PTPRM: variants seen among roughly 807,000 people sequenced by gnomAD.
PTPRM encodes the protein receptor-type tyrosine-protein phosphatase mu.
In PTPRM, 47 loss-of-function variants were observed where a neutral mutation model predicts 186.7. The observed-to-expected ratio is 0.25, with a 90% confidence interval of 0.20 to 0.32. The LOEUF (loss-of-function observed/expected upper bound fraction) is 0.32. PTPRM is among the 10% of genes least tolerant of loss of function. The pLI is 1.00. For missense variants in PTPRM, 1,494 were observed against 1,865.0 expected (o/e 0.80, Z 3.66); for synonymous variants, 668 against 674.9 (o/e 0.99, Z 0.16).
intron 5 of PTPRM, among the ~76,000 whole-genome samples, chr18:7,948,130 TACACACACACAC>T (rs57918724): frequency 5.6e-4 from 77 of 137,898 alleles, no homozygotes; most frequent in Admixed American, 1.6e-3. Context: ...GATTATAAAA[TACACACACACAC>T]ACACACACAC....
chr18:8,324,417 T>G (rs1292935025), intron 22 of PTPRM, among the ~76,000 whole-genome samples: 1 of 152,194 alleles, frequency 6.6e-6, no homozygotes, highest in Non-Finnish European at 1.5e-5. Context: ...TTAGCAATTA[T>G]AATATATTAG....
At chr18:7,643,533 G>GA (rs2038493739) in intron 1 of PTPRM, among the ~76,000 whole-genome samples, 1 of 151,928 alleles carries the variant, frequency 6.6e-6, no homozygotes, top group Non-Finnish European at 1.5e-5. Context: ...TTAGAGACGG[G>GA]ATTTCACCAT....
chr18:8,163,461 C>T (rs1356136080), intron 14 of PTPRM, among the ~76,000 whole-genome samples: 17 of 152,112 alleles, frequency 1.1e-4, no homozygotes, highest in Admixed American at 1.1e-3. Context: ...GGGAAGTGTC[C>T]CCTGCCCTCC....
intron 5 of PTPRM, among the ~76,000 whole-genome samples, chr18:7,943,544 G>A (rs62089471): frequency 0.18 from 27,793 of 152,118 alleles, 3,253 homozygotes; most frequent in Admixed American, 0.27. Context: ...TATTGCTGCT[G>A]TAACAAATTC....
chr18:8,391,966 A>G (rs149338297), intron 31 of PTPRM, among the ~76,000 whole-genome samples: 2 of 152,376 alleles, frequency 1.3e-5, no homozygotes, highest in East Asian at 3.9e-4. Flanking sequence ...AAAGCAGCAT[A>G]TTAAATAATA....
chr18:7,901,606 C>T (rs1486366368), intron 3 of PTPRM, among the ~76,000 whole-genome samples: 1 of 152,106 alleles, frequency 6.6e-6, no homozygotes, highest in African/African-American at 2.4e-5. Context: ...CCTTGTGATC[C>T]ACTCACCTTG....
chr18:8,257,874 C>A (rs1275830138), intron 19 of PTPRM, among the ~76,000 whole-genome samples: 1 of 152,138 alleles, frequency 6.6e-6, no homozygotes, highest in African/African-American at 2.4e-5. Flanking sequence ...CAAAATTGGC[C>A]TAAACACCAG....
chr18:8,386,374 G>C (rs1223112046), intron 30 of PTPRM, among the ~76,000 whole-genome samples: 2 of 152,128 alleles, frequency 1.3e-5, no homozygotes, highest in Admixed American at 1.3e-4. Context: ...GAGAAGGGGA[G>C]ACTGAGGCAG....
chr18:8,335,119 A>G (rs2095431533), intron 22 of PTPRM, among the ~76,000 whole-genome samples: 1 of 152,208 alleles, frequency 6.6e-6, no homozygotes, highest in South Asian at 2.1e-4. Context: ...CACTCCTAAA[A>G]TCTGAACTTG....
intron 7 of PTPRM, among the ~76,000 whole-genome samples, chr18:8,018,847 C>T (rs2085036649): frequency 6.6e-6 from 1 of 152,040 alleles, no homozygotes; most frequent in Non-Finnish European, 1.5e-5. Flanking sequence ...TGTGTTTTGC[C>T]GTATCACAAA....
At chr18:8,186,931 C>T (rs1351843720) in intron 14 of PTPRM, among the ~76,000 whole-genome samples, 1 of 150,776 alleles carries the variant, frequency 6.6e-6, no homozygotes, top group Non-Finnish European at 1.5e-5. Flanking sequence ...AGGAGGGCCT[C>T]CCTTGGGAAG....
intron 19 of PTPRM, among the ~76,000 whole-genome samples, chr18:8,295,415 A>G (rs1042226826): frequency 1.3e-5 from 2 of 152,016 alleles, no homozygotes; most frequent in African/African-American, 4.8e-5. Flanking sequence ...GAGAACTGAG[A>G]GAACTTGAAA....
intron 1 of PTPRM, among the ~76,000 whole-genome samples, chr18:7,640,815 A>C (rs1463038059): frequency 2.0e-5 from 3 of 152,098 alleles, no homozygotes; most frequent in African/African-American, 7.2e-5. Context: ...AGGGTGCTTA[A>C]CTCTTAGTTG....
chr18:7,761,379 T>C (rs1014792273), intron 1 of PTPRM, among the ~76,000 whole-genome samples: 3 of 152,236 alleles, frequency 2.0e-5, no homozygotes. Flanking sequence ...ATTCTTCTCA[T>C]GTTTGAAACA....
At chr18:8,252,532 G>A (rs1378407597) in intron 18 of PTPRM, 33 bp downstream of exon 18, 2 of 1,532,368 alleles carry the variant, frequency 1.3e-6, no homozygotes, top group East Asian at 4.5e-5. Flanking sequence ...TGGAAGAGTT[G>A]TGGAGGGAGT....
At chr18:7,967,406 C>T (rs1299189745) in intron 7 of PTPRM, among the ~76,000 whole-genome samples, 3 of 12,158 alleles carry the variant, frequency 2.5e-4, no homozygotes, top group African/African-American at 9.7e-4. Context: ...CGCCTCTCCT[C>T]CTCCAAAGGA....
At chr18:8,214,059 T>TG (rs2094044146) in intron 14 of PTPRM, among the ~76,000 whole-genome samples, 1 of 152,030 alleles carries the variant, frequency 6.6e-6, no homozygotes, top group Admixed American at 6.5e-5. Context: ...AGCTAAGCTA[T>TG]GGGTACGCAA....
chr18:7,775,676 A>G (rs1240367499), intron 2 of PTPRM, among the ~76,000 whole-genome samples: 8 of 152,188 alleles, frequency 5.3e-5, no homozygotes, highest in Non-Finnish European at 2.9e-5. Context: ...TGCTTTGTCT[A>G]TTAACTCCTC....
chr18:7,801,177 A>G (rs1568149528), intron 2 of PTPRM, among the ~76,000 whole-genome samples: 1 of 152,192 alleles, frequency 6.6e-6, no homozygotes, highest in East Asian at 1.9e-4. Context: ...TAAATTTATA[A>G]TTTTTAAAAA....
Sources: allele counts gnomAD v4.1 joint callset (sites outside exome capture counted in the v4.1 genomes callset), GRCh38; gene constraint gnomAD v4.1.1; transcripts MANE v1.5; gene names NCBI Gene and HGNC (gene_info 2026-07-23, HGNC 2026-07-21).